The following THADA variants were observed in gnomAD, a reference collection of about 807,000 sequenced individuals.
THADA encodes tRNA (32-2'-O)-methyltransferase regulator THADA.
In THADA, 213 loss-of-function variants were observed where a neutral mutation model predicts 219.8. The ratio of observed to expected loss-of-function variants is 0.97; its 90% confidence interval spans 0.87 to 1.09. The LOEUF is 1.09. Ranked by LOEUF, THADA falls within the 50% of genes least tolerant of loss-of-function variation. The pLI is 0.00. For synonymous variants in THADA, 1,018 were observed against 828.9 expected, an observed-to-expected ratio of 1.23 and a Z score of -3.92; for missense variants, 2,956 against 2,311.3, an observed-to-expected ratio of 1.28 and a Z score of -5.72.
chr2:43,438,197 G>C lies in THADA; in HGVS notation c.3837-7895C>G, dbSNP rs571736401. ...GGCGCCTGTAGTCCCAGCTACTCGG[G>C]AGGCTGAGGCAGGAGAATGGCGTGA... On this transcript the variant is annotated intron_variant, in intron 26 of 37. Coordinates refer to ENST00000405975, the MANE Select transcript of THADA (RefSeq NM_022065.5). 1.6e-3 allele frequency among the ~76,000 whole-genome samples: 247 copies of C among 151,578 alleles called. 1 individual carries two copies. Among genetic ancestry groups the C allele is most frequent in the African/African-American group, 5.7e-3 (234 of 41,296 alleles).
At chr2:43,499,801 C>CA (rs1037206481) in intron 24 of THADA, among the ~76,000 whole-genome samples, 8 of 148,380 alleles carry the variant, frequency 5.4e-5, no homozygotes, top group Non-Finnish European at 9.0e-5. Flanking sequence ...AAGTGAAATT[C>CA]AAAAAAAAAT....
At chr2:43,375,276 A>T (rs11693190) in intron 29 of THADA, among the ~76,000 whole-genome samples, 33,675 of 152,116 alleles carry the variant, frequency 0.22, 4,620 homozygotes, top group African/African-American at 0.38. Context: ...CAAGTCCAGG[A>T]CTGTCTGCCT....
intron 21 of THADA, among the ~76,000 whole-genome samples, chr2:43,531,483 A>G (rs1295080943): frequency 2.0e-5 from 3 of 152,226 alleles, no homozygotes; most frequent in African/African-American, 4.8e-5. Flanking sequence ...TACAAGGAAG[A>G]GAAGAATCCG....
At chr2:43,482,903 G>T (rs1686406993) in intron 26 of THADA, among the ~76,000 whole-genome samples, 1 of 152,126 alleles carries the variant, frequency 6.6e-6, no homozygotes, top group Non-Finnish European at 1.5e-5. Context: ...GGAGTAGACA[G>T]CACAGATCTT....
In THADA at chr2:43,484,115, C is replaced by T. The variant is rs550748943; in HGVS notation, c.3836+1119G>A. 1.2e-3 allele frequency among the ~76,000 whole-genome samples: 178 copies of T among 152,032 alleles called. 1 individual carries two copies. The highest frequency in any genetic ancestry group is 4.1e-3 in the African/African-American group (170 of 41,498). On this transcript the variant is annotated intron_variant, in intron 26 of 37. Coordinates refer to ENST00000405975, the MANE Select transcript of THADA (RefSeq NM_022065.5). ...CAGTTAAAAAAAAAATTAAAAAGCT[C>T]TCTGGTATTGCCTGAACATGCTCAA...
At chr2:43,595,200 C>G (rs1326376187) in intron 1 of THADA, among the ~76,000 whole-genome samples, 2 of 152,190 alleles carry the variant, frequency 1.3e-5, no homozygotes, top group Non-Finnish European at 2.9e-5. Context: ...AAAATGCATT[C>G]TACATCTAAG....
At chr2:43,528,378 C>T (rs567727869) in intron 21 of THADA, among the ~76,000 whole-genome samples, 1 of 152,238 alleles carries the variant, frequency 6.6e-6, no homozygotes, top group South Asian at 2.1e-4. Context: ...GATCTGCCCA[C>T]CTTGGTCTCC....
chr2:43,462,833 G>A (rs1683795884), intron 26 of THADA, among the ~76,000 whole-genome samples: 1 of 152,040 alleles, frequency 6.6e-6, no homozygotes. Context: ...AATACTAAAA[G>A]GCATTTCCAG....
intron 28 of THADA, among the ~76,000 whole-genome samples, chr2:43,423,810 G>T (rs1678053709): frequency 1.3e-5 from 2 of 152,096 alleles, no homozygotes; most frequent in Admixed American, 1.3e-4. Context: ...TTGTGAAAGG[G>T]AACTCAGAGA....
intron 36 of THADA, among the ~76,000 whole-genome samples, chr2:43,255,985 G>C (rs761350643): frequency 6.6e-6 from 1 of 152,152 alleles, no homozygotes; most frequent in Non-Finnish European, 1.5e-5. Flanking sequence ...ACCATTAGGT[G>C]AACTATTGAA....
At chr2:43,420,890 G>A (rs985843392) in intron 28 of THADA, among the ~76,000 whole-genome samples, 2 of 152,140 alleles carry the variant, frequency 1.3e-5, no homozygotes, top group Admixed American at 6.6e-5. Flanking sequence ...AATTCAGAGG[G>A]CCATGAGTAC....
intron 30 of THADA, among the ~76,000 whole-genome samples, chr2:43,332,149 G>A (rs1056501448): frequency 5.9e-5 from 9 of 152,128 alleles, no homozygotes; most frequent in Non-Finnish European, 1.3e-4. Flanking sequence ...GCAGTGGCAC[G>A]ATCTTGGCTC....
chr2:43,384,318 G>A (rs1450222251), intron 29 of THADA, among the ~76,000 whole-genome samples: 1 of 152,098 alleles, frequency 6.6e-6, no homozygotes, highest in East Asian at 1.9e-4. Context: ...CTTGGGGAGG[G>A]GCGAGGGGTG....
At chr2:43,375,236 A>T (rs986675507) in intron 29 of THADA, among the ~76,000 whole-genome samples, 4 of 152,196 alleles carry the variant, frequency 2.6e-5, no homozygotes, top group Non-Finnish European at 4.4e-5. Flanking sequence ...TTGCCCTAGC[A>T]AGTATCTAGA....
At chr2:43,453,034 G>C (rs1172993394) in intron 26 of THADA, among the ~76,000 whole-genome samples, 1 of 152,054 alleles carries the variant, frequency 6.6e-6, no homozygotes, top group Non-Finnish European at 1.5e-5. Flanking sequence ...GATGCTTTTT[G>C]TAAGTCTGTG....
At chr2:43,572,496 T>G (rs953152965) in intron 12 of THADA, among the ~76,000 whole-genome samples, 1 of 152,220 alleles carries the variant, frequency 6.6e-6, no homozygotes, top group Non-Finnish European at 1.5e-5. Flanking sequence ...AAGCACCACC[T>G]GCTCTGATCA....
At position 43,508,041 on chromosome 2, in the gene THADA, T is replaced by G. The variant is rs559535923; in HGVS notation, c.3507+607A>C. On this transcript the variant is annotated intron_variant, in intron 23 of 37. Coordinates refer to ENST00000405975, the MANE Select transcript of THADA (RefSeq NM_022065.5). ...GAGTCAGGCTGCCTGGGCTCAAGTC[T>G]TAACTCAGTTCTTACTGTCTCTGTG... 3.3e-5 allele frequency among the ~76,000 whole-genome samples: 5 copies of G among 152,242 alleles called. No individual in the cohort carries two copies. In the South Asian group the frequency reaches 1.0e-3, roughly 32 times the overall value.
At chr2:43,571,122 G>A (rs1285140396) in intron 13 of THADA, among the ~76,000 whole-genome samples, 1 of 152,092 alleles carries the variant, frequency 6.6e-6, no homozygotes, top group Non-Finnish European at 1.5e-5. Context: ...CAGGCATGGT[G>A]GTGTGCCCCT....
intron 21 of THADA, among the ~76,000 whole-genome samples, chr2:43,532,412 CAA>C (rs773523844): frequency 0.19 from 8,778 of 46,102 alleles, 121 homozygotes; most frequent in African/African-American, 0.21. Context: ...GACTCCACCT[CAA>C]AAAAAAAAAA....
Sources: allele counts gnomAD v4.1 joint callset (sites outside exome capture counted in the v4.1 genomes callset), GRCh38; gene constraint gnomAD v4.1.1; transcripts MANE v1.5; gene names NCBI Gene and HGNC (gene_info 2026-07-23, HGNC 2026-07-21).